The following ST6GALNAC5 variants were observed in gnomAD, a reference collection of about 807,000 sequenced individuals.
ST6GALNAC5 encodes the protein alpha-N-acetylgalactosaminide alpha-2,6-sialyltransferase 5.
In ST6GALNAC5, 27 loss-of-function variants were observed where a neutral mutation model predicts 33.6. That is an observed-to-expected ratio of 0.80 (90% CI 0.59 to 1.11). The LOEUF (loss-of-function observed/expected upper bound fraction) is 1.11, where lower values mean the gene tolerates loss of function less well. Ranked by LOEUF, ST6GALNAC5 falls within the 50% of genes least tolerant of loss-of-function variation. ST6GALNAC5 has a pLI of 0.00. For missense variants in ST6GALNAC5, 428 were observed against 454.0 expected, an observed-to-expected ratio of 0.94 and a Z score of 0.52; for synonymous variants, 194 against 171.2, an observed-to-expected ratio of 1.13 and a Z score of -1.04.
chr1:76,989,591 C>T (rs1393907040), intron 2 of ST6GALNAC5, among the ~76,000 whole-genome samples: 2 of 151,938 alleles, frequency 1.3e-5, no homozygotes, highest in Admixed American at 6.6e-5. Flanking sequence ...GAATGGTTTT[C>T]ATTTTCCTAA....
At chr1:77,000,098 G>C (rs1350008534) in intron 2 of ST6GALNAC5, among the ~76,000 whole-genome samples, 2 of 86,174 alleles carry the variant, frequency 2.3e-5, no homozygotes, top group African/African-American at 3.2e-5. Flanking sequence ...CTAGTTTACA[G>C]TCCCACCAAC....
intron 2 of ST6GALNAC5, among the ~76,000 whole-genome samples, chr1:76,928,211 A>T (rs1647103799): frequency 1.3e-5 from 2 of 152,082 alleles, no homozygotes; most frequent in Non-Finnish European, 2.9e-5. Flanking sequence ...CTCTTCTAAG[A>T]CCAGGGAATA....
chr1:77,054,216 A>T (rs1210408793), intron 4 of ST6GALNAC5, among the ~76,000 whole-genome samples: 1 of 152,148 alleles, frequency 6.6e-6, no homozygotes, highest in Non-Finnish European at 1.5e-5. Context: ...GTGGGAGAAG[A>T]TGTTCACTCT....
intron 2 of ST6GALNAC5, among the ~76,000 whole-genome samples, chr1:77,014,302 A>T (rs1429495699): frequency 6.6e-6 from 1 of 152,178 alleles, no homozygotes; most frequent in Non-Finnish European, 1.5e-5. Context: ...AGGATTCCCC[A>T]TCAGGGCCTT....
intron 2 of ST6GALNAC5, among the ~76,000 whole-genome samples, chr1:76,920,594 T>C (rs1311269036): frequency 2.0e-5 from 3 of 152,204 alleles, no homozygotes; most frequent in Non-Finnish European, 4.4e-5. Context: ...GAGTGCTTCA[T>C]AGAAGTTCCC....
chr1:76,885,670 T>TA (rs559980730), intron 2 of ST6GALNAC5, among the ~76,000 whole-genome samples: 122 of 152,352 alleles, frequency 8.0e-4, no homozygotes, highest in African/African-American at 2.8e-3. Flanking sequence ...TCTTGATACT[T>TA]ACGCTAAATT....
chr1:77,001,644 C>CTTA (rs1200055109), intron 2 of ST6GALNAC5, among the ~76,000 whole-genome samples: 1 of 151,268 alleles, frequency 6.6e-6, no homozygotes, highest in Non-Finnish European at 1.5e-5. Context: ...GTAGATAGCT[C>CTTA]TTATTTTGAA....
intron 2 of ST6GALNAC5, among the ~76,000 whole-genome samples, chr1:76,974,968 G>A (rs1011741408): frequency 4.6e-5 from 7 of 151,250 alleles, no homozygotes; most frequent in African/African-American, 1.7e-4. Context: ...TGTATTTTTA[G>A]TAGAAACGGG....
intron 2 of ST6GALNAC5, among the ~76,000 whole-genome samples, chr1:76,949,898 G>A (rs536365721): frequency 2.4e-4 from 37 of 152,216 alleles, no homozygotes; most frequent in African/African-American, 7.5e-4. Flanking sequence ...TGCACCTGTC[G>A]CTGAGCTAGC....
intron 2 of ST6GALNAC5, among the ~76,000 whole-genome samples, chr1:76,891,711 C>T (rs903213318): frequency 1.3e-5 from 2 of 152,070 alleles, no homozygotes; most frequent in Admixed American, 6.6e-5. Flanking sequence ...TTGTAGTTTT[C>T]GCTTTTACAT....
At chr1:76,995,057 A>G (rs1299488034) in intron 2 of ST6GALNAC5, among the ~76,000 whole-genome samples, 1 of 152,196 alleles carries the variant, frequency 6.6e-6, no homozygotes, top group African/African-American at 2.4e-5. Flanking sequence ...TGGATTGAGC[A>G]GCAGATTAAG....
At chr1:76,949,179 A>G (rs1049235675) in intron 2 of ST6GALNAC5, among the ~76,000 whole-genome samples, 1 of 152,186 alleles carries the variant, frequency 6.6e-6, no homozygotes. Flanking sequence ...GAGTAATCAC[A>G]TCCAAGATGG....
chr1:77,027,700 C>T (rs762489255), intron 2 of ST6GALNAC5, among the ~76,000 whole-genome samples: 15 of 152,152 alleles, frequency 9.9e-5, no homozygotes, highest in Admixed American at 3.3e-4. Context: ...ACCTTCACTG[C>T]ATGGAAGACA....
chr1:76,871,228 A>G (rs1046429941), intron 2 of ST6GALNAC5: 1 of 152,222 alleles, frequency 6.6e-6, no homozygotes, highest in Non-Finnish European at 1.5e-5. Flanking sequence ...ATATTGCCAG[A>G]TGATACTCGA....
chr1:76,921,472 AT>A (rs1647033987), intron 2 of ST6GALNAC5, among the ~76,000 whole-genome samples: 1 of 152,212 alleles, frequency 6.6e-6, no homozygotes, highest in African/African-American at 2.4e-5. Flanking sequence ...TCACAAAGTT[AT>A]AAAACAAGAA....
intron 2 of ST6GALNAC5, among the ~76,000 whole-genome samples, chr1:77,022,000 G>GC (rs61061357): frequency 6.6e-6 from 1 of 151,994 alleles, no homozygotes; most frequent in African/African-American, 2.4e-5. Flanking sequence ...TCTGTGCTGC[G>GC]CCCCCCGTTT....
chr1:77,050,445 G>T, intron 4 of ST6GALNAC5, 80 bp downstream of exon 4: 2 of 1,348,256 alleles, frequency 1.5e-6, no homozygotes, highest in Non-Finnish European at 2.1e-6. Context: ...TATCAACCAT[G>T]AAACATGTCT....
chr1:76,890,997 G>A (rs967457781), intron 2 of ST6GALNAC5, among the ~76,000 whole-genome samples: 7 of 152,114 alleles, frequency 4.6e-5, no homozygotes, highest in Non-Finnish European at 8.8e-5. Context: ...ATTTTTCAAT[G>A]TAGTAATTAT....
intron 2 of ST6GALNAC5, among the ~76,000 whole-genome samples, chr1:76,979,411 T>C (rs1205636177): frequency 6.6e-6 from 1 of 152,200 alleles, no homozygotes; most frequent in Non-Finnish European, 1.5e-5. Flanking sequence ...AACAGCATGG[T>C]ACTGGCATAA....
Sources: gnomAD v4.1 joint callset for allele counts (sites outside exome capture counted in the v4.1 genomes callset) on GRCh38, gnomAD v4.1.1 for gene constraint, MANE v1.5 for transcripts, NCBI Gene and HGNC (gene_info 2026-07-23, HGNC 2026-07-21) for gene names.